The following PLXNC1 variants were observed in gnomAD, a reference collection of about 807,000 sequenced individuals.
The protein encoded by PLXNC1 is plexin C1, also known as plexin-C1.
In PLXNC1, 75 loss-of-function variants were observed where a neutral mutation model predicts 178.2. The observed-to-expected ratio is 0.42, with a 90% CI of 0.35 to 0.51. The LOEUF is 0.51. Ranked by LOEUF, PLXNC1 falls within the 20% of genes least tolerant of loss-of-function variation. PLXNC1 has a pLI of 0.02. For missense variants in PLXNC1, 1,503 were observed against 1,984.4 expected, an observed-to-expected ratio of 0.76 and a Z score of 4.61; for synonymous variants, 790 against 779.9, an observed-to-expected ratio of 1.01 and a Z score of -0.22.
At chr12:94,259,531 A>G (rs1311358198) in intron 18 of PLXNC1, 79 bp from the exon 19 acceptor site, 5 of 1,209,186 alleles carry the variant, frequency 4.1e-6, no homozygotes, top group Non-Finnish European at 5.7e-6. Context: ...GTCTTGGAAA[A>G]CCCATTGTGG....
At chr12:94,258,283 G>T (rs547310925) in intron 17 of PLXNC1, among the ~76,000 whole-genome samples, 19 of 152,224 alleles carry the variant, frequency 1.2e-4, no homozygotes, top group African/African-American at 4.1e-4. Context: ...GGGTCTGGGG[G>T]TTTTTTTGGT....
chr12:94,198,930 T>G (rs557326050), intron 4 of PLXNC1, among the ~76,000 whole-genome samples: 2 of 152,134 alleles, frequency 1.3e-5, no homozygotes, highest in Non-Finnish European at 2.9e-5. Context: ...GAGGTTCTGA[T>G]GGGCACGAAT....
chr12:94,251,044 G>T (rs1225077816), intron 14 of PLXNC1, among the ~76,000 whole-genome samples: 2 of 152,084 alleles, frequency 1.3e-5, no homozygotes, highest in African/African-American at 4.8e-5. Flanking sequence ...AAATAAGCCT[G>T]CCTGTAAAAA....
In PLXNC1 at chr12:94,149,906, C is replaced by T. The variant is rs1312963550; in HGVS notation, c.935C>T (p.Ala312Val). 1 of 1,588,930 alleles carries T rather than the reference C, an allele frequency of 6.3e-7. No individual in the cohort carries two copies. The highest frequency in any genetic ancestry group is 8.6e-7 in the Non-Finnish European group (1 of 1,168,560). Residue 312 changes from alanine (A) to valine (V), a missense_variant, in exon 1 of 31, where the codon GCG becomes GTG. By Grantham distance (64) the Ala-to-Val change is moderately conservative (BLOSUM62 0). Coordinates refer to ENST00000258526, the MANE Select transcript of PLXNC1 (RefSeq NM_005761.3). ...GACGTCTGGGCGGGAGTGTTCAGCG[C>T]GGCCGCTGGAGAGGGCCAGGAGCGG... Reference protein sequence around the residue: ...ALDVWAGVFSAAAGEGQERRS... With the variant: ...ALDVWAGVFSVAAGEGQERRS...
At position 94,149,318 on chromosome 12, in the gene PLXNC1, C is replaced by T. The variant is rs1960853303; in HGVS notation, c.347C>T (p.Ala116Val). The T allele has an allele frequency of 1.4e-6, 2 of 1,446,284 alleles. No individual in the cohort carries two copies. Among genetic ancestry groups the T allele is most frequent in the South Asian group, 2.8e-5 (2 of 70,330 alleles). 89.6% of individuals were successfully genotyped at this position (1,446,284 alleles called of 1,614,324 possible). Residue 116 changes from alanine (A) to valine (V), a missense_variant, in exon 1 of 31, where the codon GCG (alanine) becomes GTG (valine). Physicochemically the swap from Ala to Val is moderately conservative, Grantham distance 64. Around this residue, in one of 4 missense-constraint regions of PLXNC1, gnomAD observed 176 missense variants for 180.7 expected, o/e 0.97. Coordinates refer to ENST00000258526, the MANE Select transcript of PLXNC1 (RefSeq NM_005761.3). ...SKLLLPYREG[A>V]AGLGGLLLTG... Reference sequence around the variant, plus strand: ...CTGCTGCTGCCCTACCGCGAGGGGGCGGCCGGCCTCGGGGGGCTGCTGCTC... The same window carrying T: ...CTGCTGCTGCCCTACCGCGAGGGGGTGGCCGGCCTCGGGGGGCTGCTGCTC...
chr12:94,180,441 AAT>A (rs1380159628), intron 2 of PLXNC1, among the ~76,000 whole-genome samples: 1 of 152,150 alleles, frequency 6.6e-6, no homozygotes, highest in Admixed American at 6.5e-5. Context: ...TTTTCTTATT[AAT>A]AGTCTGCTGT....
rs1969027169 is a variant in PLXNC1 at position 94,306,445 on chromosome 12, G to A, written c.*1160G>A. 1 of 152,076 alleles carries A rather than the reference G, an allele frequency of 6.6e-6. No individual in the cohort carries two copies. Among genetic ancestry groups the A allele is most frequent in the Non-Finnish European group, 1.5e-5 (1 of 68,014 alleles). The allele number at this position is 152,076 out of a possible 1,614,324, so 9.4% of individuals were successfully genotyped here. On this transcript the variant is annotated 3_prime_UTR_variant, in exon 31 of 31. Coordinates refer to ENST00000258526, the MANE Select transcript of PLXNC1 (RefSeq NM_005761.3). The stretch of plus-strand genomic sequence containing the variant: ...TTCTTTTTAAAGAATTCTCTATCCA[G>A]TTATACTGTAGTCTTTTTAGTGCTG...
At position 94,149,479 on chromosome 12, in the gene PLXNC1, GGC is replaced by G. The variant is rs1403586704; in HGVS notation, c.509_510del (p.Gly170AlafsTer17). ...GACGGCCGGCGTGGTGTACCGCGCG[GGC>G]CGGAACAACCGCTGGTACCTGGCGG... ...GSTAGVVYRA[G>X]RNNRWYLAVA... On this transcript the variant is annotated frameshift_variant, in exon 1 of 31. Coordinates refer to ENST00000258526, the MANE Select transcript of PLXNC1 (RefSeq NM_005761.3). LOFTEE classifies it high-confidence loss of function. The G allele has an allele frequency of 6.6e-7, 1 of 1,517,772 alleles. No individual in the cohort carries two copies. The highest frequency in any genetic ancestry group is 8.8e-7 in the Non-Finnish European group (1 of 1,138,900). The allele number at this position is 1,517,772 out of a possible 1,614,324, so 94.0% of individuals were successfully genotyped here.
chr12:94,231,561 A>G (rs958206363), intron 9 of PLXNC1, among the ~76,000 whole-genome samples: 13 of 152,138 alleles, frequency 8.5e-5, no homozygotes, highest in East Asian at 3.8e-4. Flanking sequence ...TTCAGTCCCT[A>G]CTAGGCCAGT....
intron 9 of PLXNC1, among the ~76,000 whole-genome samples, chr12:94,230,431 C>G (rs1234558098): frequency 6.6e-6 from 1 of 152,102 alleles, no homozygotes; most frequent in Non-Finnish European, 1.5e-5. Flanking sequence ...GGACTGGGGT[C>G]ACCACAAGAG....
intron 27 of PLXNC1, among the ~76,000 whole-genome samples, chr12:94,300,277 G>A (rs758528712): frequency 3.9e-5 from 6 of 152,186 alleles, no homozygotes; most frequent in Non-Finnish European, 7.3e-5. Context: ...TAGGTGATCT[G>A]AGAAGGCCTC....
At chr12:94,259,404 C>T (rs759492680) in intron 18 of PLXNC1, 29 bp downstream of exon 18, 4 of 1,543,818 alleles carry the variant, frequency 2.6e-6, no homozygotes, top group African/African-American at 1.4e-5. Flanking sequence ...ATTTTTAGCC[C>T]AGTGACTGCC....
chr12:94,206,310 T>C (rs1963297637), intron 4 of PLXNC1, among the ~76,000 whole-genome samples: 1 of 152,062 alleles, frequency 6.6e-6, no homozygotes, highest in South Asian at 2.1e-4. Context: ...TACATACTTA[T>C]ATAGTTGAAT....
chr12:94,277,967 G>T (rs832506), intron 21 of PLXNC1: 19 of 456,034 alleles, frequency 4.2e-5, no homozygotes, highest in East Asian at 2.1e-4. Flanking sequence ...CTGAGCCCTA[G>T]GCAAATCAGA....
intron 3 of PLXNC1, among the ~76,000 whole-genome samples, chr12:94,185,576 G>A (rs1481682215): frequency 6.6e-6 from 1 of 152,184 alleles, no homozygotes; most frequent in East Asian, 1.9e-4. Context: ...GTGGGCTGCT[G>A]TTTCCTGACA....
chr12:94,206,722 C>G (rs534467946), intron 4 of PLXNC1, among the ~76,000 whole-genome samples: 22 of 152,288 alleles, frequency 1.4e-4, no homozygotes, highest in African/African-American at 5.3e-4. Context: ...AAATATATCT[C>G]TACCAGTTTC....
chr12:94,216,946 G>C (rs1963662116), intron 5 of PLXNC1, among the ~76,000 whole-genome samples: 1 of 152,092 alleles, frequency 6.6e-6, no homozygotes, highest in Non-Finnish European at 1.5e-5. Flanking sequence ...GGGTTTCTTA[G>C]GACGAAGCTT....
At chr12:94,298,826 C>A in intron 27 of PLXNC1, 31 bp downstream of exon 27, 1 of 1,586,614 alleles carries the variant, frequency 6.3e-7, no homozygotes. Flanking sequence ...TGACTGTTTT[C>A]AAGAATCTGG....
Position 94,197,437 on chromosome 12 carries a change from TTCTCTCTC to T in PLXNC1, c.1439+10980_1439+10987del, listed in dbSNP as rs61069982. Among the ~76,000 whole-genome samples the T allele has an allele frequency of 1.8e-3, 264 of 148,656 alleles. 2 individuals are homozygous for T. Among genetic ancestry groups the T allele is most frequent in the African/African-American group, 6.2e-3 (251 of 40,222 alleles). On this transcript the variant is annotated intron_variant, in intron 4 of 30. Coordinates refer to ENST00000258526, the MANE Select transcript of PLXNC1 (RefSeq NM_005761.3). ...TGATAAAATGATACATTAGGCCCCT[TTCTCTCTC>T]TCTCTCTCTCTCTCTGTCTCTCTCT...
Sources: allele counts gnomAD v4.1 joint callset (sites outside exome capture counted in the v4.1 genomes callset), GRCh38; gene constraint gnomAD v4.1.1; regional missense constraint gnomAD v4.1.1; transcripts MANE v1.5; gene names NCBI Gene and HGNC (gene_info 2026-07-23, HGNC 2026-07-21).